Variants in ABCC1 observed in about 807,000 individuals in gnomAD.
ABCC1 encodes ATP binding cassette subfamily C member 1 (ABCC1 blood group).
In ABCC1, 83 loss-of-function variants were observed where a neutral mutation model predicts 172.9. That is an observed-to-expected ratio of 0.48 (90% CI 0.40 to 0.58). ABCC1 has a LOEUF of 0.58. Ranked by LOEUF, ABCC1 falls within the 20% of genes least tolerant of loss-of-function variation. The probability of loss-of-function intolerance (pLI) is 0.00; values close to 1 mark genes in which losing one functional copy is unlikely to be tolerated. For missense variants in ABCC1, 1,817 were observed against 2,002.7 expected (o/e 0.91, Z 1.77); for synonymous variants, 937 against 825.2 (o/e 1.14, Z -2.32).
intron 12 of ABCC1, among the ~76,000 whole-genome samples, chr16:16,063,929 C>T (rs2050014666): frequency 6.6e-6 from 1 of 152,150 alleles, no homozygotes; most frequent in South Asian, 2.1e-4. Context: ...ATGCTTGGGT[C>T]AGCCAGGGCT....
At chr16:16,045,739 C>A in intron 8 of ABCC1, 97 bp from the exon 9 acceptor site, 1 of 1,220,874 alleles carries the variant, frequency 8.2e-7, no homozygotes, top group Non-Finnish European at 1.2e-6. Flanking sequence ...TCTAGCTCAT[C>A]TGGCTCAGGA....
At chr16:16,104,023 C>CA (rs1444139129) in intron 20 of ABCC1, among the ~76,000 whole-genome samples, 1 of 152,116 alleles carries the variant, frequency 6.6e-6, no homozygotes, top group Admixed American at 6.5e-5. Context: ...GTAAGTGTTA[C>CA]AGCTCTTAAG....
intron 1 of ABCC1, among the ~76,000 whole-genome samples, chr16:15,973,685 G>A (rs1003372515): frequency 6.6e-6 from 1 of 152,056 alleles, no homozygotes; most frequent in Non-Finnish European, 1.5e-5. Context: ...AGTTTAAAAT[G>A]TTCATGTGAG....
chr16:16,072,694 G>A (rs1187738861), intron 14 of ABCC1, among the ~76,000 whole-genome samples: 1 of 151,764 alleles, frequency 6.6e-6, no homozygotes, highest in Non-Finnish European at 1.5e-5. Flanking sequence ...TCGTTTCCCA[G>A]CCCATCCCCC....
intron 23 of ABCC1, among the ~76,000 whole-genome samples, chr16:16,119,633 A>G (rs1272667996): frequency 1.3e-5 from 2 of 152,048 alleles, no homozygotes; most frequent in Non-Finnish European, 2.9e-5. Context: ...AGAGGTTGCA[A>G]TGAGCCAAGA....
chr16:16,064,373 C>T (rs1431493475), intron 12 of ABCC1, among the ~76,000 whole-genome samples: 1 of 152,230 alleles, frequency 6.6e-6, no homozygotes, highest in Non-Finnish European at 1.5e-5. Context: ...TGTGCTTCCA[C>T]TAGACTGTGC....
At chr16:16,137,282 C>G (rs960347530) in intron 29 of ABCC1, among the ~76,000 whole-genome samples, 1 of 152,104 alleles carries the variant, frequency 6.6e-6, no homozygotes, top group African/African-American at 2.4e-5. Context: ...TGGCTGATCT[C>G]GGGGTCAGCT....
chr16:16,007,206 A>G (rs1009676517), intron 1 of ABCC1, among the ~76,000 whole-genome samples: 12 of 135,216 alleles, frequency 8.9e-5, no homozygotes, highest in African/African-American at 3.7e-4. Context: ...TTTTGTGTGT[A>G]TGCACTGTTG....
intron 8 of ABCC1, 94 bp from the exon 9 acceptor site, chr16:16,045,742 G>A (rs2049178169): frequency 8.0e-7 from 1 of 1,243,960 alleles, no homozygotes; most frequent in Admixed American, 2.1e-5. Context: ...AGCTCATCTG[G>A]CTCAGGAGAA....
chr16:16,136,400 A>G, intron 28 of ABCC1, 78 bp from the exon 29 acceptor site: 1 of 1,521,968 alleles, frequency 6.6e-7, no homozygotes, highest in Non-Finnish European at 8.9e-7. Context: ...AGTCCTGGCC[A>G]GAAGTCCTTA....
At chr16:15,950,932 TG>T (rs1199336070) in intron 1 of ABCC1, among the ~76,000 whole-genome samples, 2 of 152,170 alleles carry the variant, frequency 1.3e-5, no homozygotes, top group South Asian at 2.1e-4. Flanking sequence ...TTTGTTTGTT[TG>T]TTTTTTTTAG....
At chr16:16,118,913 G>A (rs1023231768) in intron 23 of ABCC1, among the ~76,000 whole-genome samples, 3 of 147,622 alleles carry the variant, frequency 2.0e-5, no homozygotes, top group Non-Finnish European at 3.0e-5. Context: ...AAAGAGCAAA[G>A]GCAGTGCTTA....
At chr16:16,045,513 CAG>C (rs1348510940) in intron 8 of ABCC1, among the ~76,000 whole-genome samples, 1 of 151,928 alleles carries the variant, frequency 6.6e-6, no homozygotes, top group Non-Finnish European at 1.5e-5. Context: ...CTCTGTGACT[CAG>C]GGGCTACACA....
intron 24 of ABCC1, among the ~76,000 whole-genome samples, chr16:16,122,711 TAAAAAAAAAA>T (rs34383577): frequency 1.7e-5 from 2 of 116,248 alleles, no homozygotes; most frequent in African/African-American, 6.8e-5. Flanking sequence ...CCATCTCTCT[TAAAAAAAAAA>T]AAAAAAAAAA....
At chr16:16,025,704 G>C (rs1270765140) in intron 5 of ABCC1, among the ~76,000 whole-genome samples, 6 of 152,162 alleles carry the variant, frequency 3.9e-5, no homozygotes, top group African/African-American at 2.4e-5. Context: ...GTACCTAATT[G>C]GTTCAAACCA....
At chr16:15,971,483 C>T (rs2046368432) in intron 1 of ABCC1, among the ~76,000 whole-genome samples, 1 of 152,162 alleles carries the variant, frequency 6.6e-6, no homozygotes, top group Non-Finnish European at 1.5e-5. Context: ...GCTTTAAAAA[C>T]CAAACATTTC....
chr16:16,116,263 A>AT (rs1329814345), intron 23 of ABCC1, among the ~76,000 whole-genome samples: 6 of 151,878 alleles, frequency 4.0e-5, no homozygotes, highest in Non-Finnish European at 8.8e-5. Flanking sequence ...CAGCCATTAT[A>AT]TCTATATTTC....
chr16:15,951,097 C>A (rs1018855407), intron 1 of ABCC1, among the ~76,000 whole-genome samples: 1 of 152,144 alleles, frequency 6.6e-6, no homozygotes, highest in Middle Eastern at 3.2e-3. Context: ...GATGGACTTT[C>A]TTTAGCAGGG....
At chr16:15,985,252 A>T (rs1044661230) in intron 1 of ABCC1, among the ~76,000 whole-genome samples, 19 of 152,230 alleles carry the variant, frequency 1.2e-4, no homozygotes, top group Admixed American at 2.0e-4. Flanking sequence ...AGGCATTAGA[A>T]ATGCCCTGGG....
Sources: allele counts gnomAD v4.1 joint callset (sites outside exome capture counted in the v4.1 genomes callset), GRCh38; gene constraint gnomAD v4.1.1; transcripts MANE v1.5; gene names NCBI Gene and HGNC (gene_info 2026-07-23, HGNC 2026-07-21).